KANSL2: variants seen among roughly 807,000 people sequenced by gnomAD.
KANSL2 encodes KAT8 regulatory NSL complex subunit 2, also known as NSL complex protein NSL2.
In KANSL2, 34 loss-of-function variants were observed where a neutral mutation model predicts 55.6. The ratio of observed to expected loss-of-function variants is 0.61; its 90% confidence interval spans 0.46 to 0.81. The LOEUF is 0.81. KANSL2 is among the 40% of genes least tolerant of loss of function. KANSL2 has a pLI of 0.00. For missense variants in KANSL2, 502 were observed against 609.9 expected (o/e 0.82, Z 1.86); for synonymous variants, 209 against 214.3 (o/e 0.98, Z 0.22).
At chr12:48,678,012 T>A (rs1270867250) in intron 4 of KANSL2, among the ~76,000 whole-genome samples, 1 of 152,122 alleles carries the variant, frequency 6.6e-6, no homozygotes, top group Non-Finnish European at 1.5e-5. Context: ...ATCCGGAACA[T>A]GCCCAACCTC....
Position 48,667,771 on chromosome 12 carries a change from TG to T in KANSL2, c.894del (p.Ser299ValfsTer20). ...GAAQQAHTTR[S>X]SQRCLAFVDD... ...TCCACAAAGGCCAAGCACCTCTGAC[TG>T]GAACGAGTGGTATGGGCCTGAAATG... On this transcript the variant is annotated frameshift_variant, in exon 7 of 10. Transcript: ENST00000420613. LOFTEE classifies it high-confidence loss of function. The T allele has an allele frequency of 1.9e-6, 3 of 1,613,622 alleles. No homozygotes were observed. The highest frequency in any genetic ancestry group is 2.5e-6 in the Non-Finnish European group (3 of 1,179,584).
chr12:48,654,268 A>G lies in KANSL2; in HGVS notation c.1348-93T>C, dbSNP rs1245393986. 1.1e-5 allele frequency: 13 copies of G among 1,215,250 alleles called. No homozygotes were observed. The East Asian group carries it at 2.3e-4, about 22-fold the overall frequency. 75.3% of individuals were successfully genotyped at this position (1,215,250 alleles called of 1,614,324 possible). On this transcript the variant is annotated intron_variant, in intron 9 of 9. Coordinates refer to ENST00000420613, the MANE Select transcript of KANSL2 (RefSeq NM_017822.4). ...TTATCAGTGGCCACTTAAACTAGCA[A>G]TAAGAACAATACAACAGAAATTAAT...
At chr12:48,664,577 C>A (rs866692660) in intron 7 of KANSL2, among the ~76,000 whole-genome samples, 4 of 62,074 alleles carry the variant, frequency 6.4e-5, no homozygotes, top group South Asian at 7.2e-4. Context: ...CGCACCTGGC[C>A]TTTTTTTTTT....
Position 48,679,724 on chromosome 12 carries a change from A to T in KANSL2, c.361T>A (p.Ser121Thr). ...GACCCCAGCTCTGTCTTAGCATATG[A>T]GCTCAGCTGGCACAGGAGTGTTTCA... ...VGETLLCQLS[S>T]YAKTELGSQT... The change falls in exon 3 of 10, where the codon TCA becomes ACA. Residue 121 changes from serine (S) to threonine (T), a missense_variant. By Grantham distance (58) the Ser-to-Thr change is moderately conservative. Transcript: ENST00000420613. 1 of 1,612,690 alleles carries T rather than the reference A, an allele frequency of 6.2e-7. No homozygotes were observed. Among genetic ancestry groups the T allele is most frequent in the Middle Eastern group, 1.7e-4 (1 of 6,060 alleles).
chr12:48,666,359 C>T (rs1203251104), intron 7 of KANSL2, among the ~76,000 whole-genome samples: 1 of 151,520 alleles, frequency 6.6e-6, no homozygotes, highest in African/African-American at 2.4e-5. Flanking sequence ...TGAGACCAGC[C>T]TGGGCAACAT....
chr12:48,662,557 T>C (rs1354631165), intron 7 of KANSL2: 2 of 1,276,184 alleles, frequency 1.6e-6, no homozygotes, highest in Non-Finnish European at 2.0e-6. Flanking sequence ...ATGGTTAACC[T>C]ACAACTAGAG....
At chr12:48,662,569 C>T in intron 7 of KANSL2, 5 of 1,284,046 alleles carry the variant, frequency 3.9e-6, no homozygotes, top group Non-Finnish European at 5.1e-6. Flanking sequence ...CAACTAGAGT[C>T]TGGGTCCTTC....
intron 2 of KANSL2, among the ~76,000 whole-genome samples, chr12:48,680,520 C>T (rs7299276): frequency 0.59 from 89,229 of 151,928 alleles, 26,550 homozygotes; most frequent in East Asian, 0.77. Context: ...CTATAAGATA[C>T]GTAAAAAATT....
rs753804337 is a variant in KANSL2, at chr12:48,671,893, C to T, written c.615G>A (p.Ser205=). ...GTCGTTTAAACTGATCAATATACAA[C>T]GACTGCAAACGAATTAGCTTTTCAC... ...IMREKLIRLQ[S]LYIDQFKRLQ... Residue 205 remains serine (S), a synonymous_variant, in exon 5 of 10, where the codon TCG becomes TCA. Transcript: ENST00000420613. The T allele has an allele frequency of 2.4e-5, 39 of 1,610,988 alleles. No individual in the cohort carries two copies. Among genetic ancestry groups the T allele is most frequent in the Middle Eastern group, 1.6e-4 (1 of 6,074 alleles).
chr12:48,661,578 C>T (rs1939488227), intron 7 of KANSL2, among the ~76,000 whole-genome samples: 1 of 152,036 alleles, frequency 6.6e-6, no homozygotes, highest in Non-Finnish European at 1.5e-5. Flanking sequence ...CTGATAGTAC[C>T]TGAATTATGG....
rs1298075796 is a variant in KANSL2 at position 48,653,474 on chromosome 12, A to G, written c.*570T>C. The G allele has an allele frequency of 1.3e-5, 2 of 152,678 alleles. No homozygotes were observed. The highest frequency in any genetic ancestry group is 4.8e-5 in the African/African-American group (2 of 41,464). The allele number at this position is 152,678 out of a possible 1,614,324, so 9.5% of individuals were successfully genotyped here. A position where few individuals can be genotyped will look rare whatever the true frequency, so the allele number is the denominator to read the frequency against. ...ACATTTAATAGAAACTATATACAAT[A>G]AATTTTTACTATATTTTACATAAGA... On this transcript the variant is annotated 3_prime_UTR_variant, in exon 10 of 10. Transcript: ENST00000420613.
At position 48,660,382 on chromosome 12, in the gene KANSL2, G is replaced by A; in HGVS notation, c.1211C>T (p.Pro404Leu). ...AAELQPTESL[P>L]LEFSDDLDVV... Reference sequence around the variant, plus strand: ...CTAACTTACATCACTGAACTCCAGAGGTAAACTCTCAGTGGGCTGAAGCTC... The same window carrying A: ...CTAACTTACATCACTGAACTCCAGAAGTAAACTCTCAGTGGGCTGAAGCTC... The change falls in exon 8 of 10, where the codon CCT becomes CTT. Residue 404 changes from proline to leucine, a missense_variant. By Grantham distance (98) the Pro-to-Leu change is moderately conservative. Transcript: ENST00000420613. 1 of 1,613,818 alleles carries A rather than the reference G, an allele frequency of 6.2e-7. No individual in the cohort carries two copies. The highest frequency in any genetic ancestry group is 8.5e-7 in the Non-Finnish European group (1 of 1,179,774).
At position 48,654,057 on chromosome 12, in the gene KANSL2, G is replaced by A; in HGVS notation, c.1466C>T (p.Thr489Ile). Reference protein sequence around the residue: ...LATANGKPEPTSIS With the variant: ...LATANGKPEPISIS ...TTCCCCAAACTATCAACTAATAGAA[G>A]TGGGTTCTGGCTTCCCATTTGCAGT... Residue 489 changes from threonine (T) to isoleucine (I), a missense_variant, in exon 10 of 10, where the codon ACT becomes ATT. Physicochemically the swap from Thr to Ile is moderately conservative, Grantham distance 89. Coordinates refer to ENST00000420613, the MANE Select transcript of KANSL2 (RefSeq NM_017822.4). The A allele has an allele frequency of 6.3e-7, 1 of 1,589,634 alleles. No individual in the cohort carries two copies.
At chr12:48,667,604 A>T in intron 7 of KANSL2, 89 bp downstream of exon 7, 1 of 1,070,020 alleles carries the variant, frequency 9.3e-7, no homozygotes, top group Non-Finnish European at 1.5e-6. Context: ...AGGAAAACAA[A>T]ATCCTTCAAT....
At chr12:48,670,240 T>C (rs1939685956) in intron 5 of KANSL2, among the ~76,000 whole-genome samples, 3 of 150,342 alleles carry the variant, frequency 2.0e-5, no homozygotes, top group African/African-American at 7.3e-5. Context: ...TTATGCACAG[T>C]ACCTAATACT....
Position 48,679,768 on chromosome 12 carries a change from GTCT to G in KANSL2, c.314_316del (p.Lys105del). 8 of 1,609,576 alleles carry G rather than the reference GTCT, an allele frequency of 5.0e-6. No homozygotes were observed. The highest frequency in any genetic ancestry group is 1.1e-5 in the South Asian group (1 of 90,012). On this transcript the variant is annotated inframe_deletion, in exon 3 of 10. Coordinates refer to ENST00000420613, the MANE Select transcript of KANSL2 (RefSeq NM_017822.4). ...TGTTTCACCCACAGGCCCTGGGTTG[GTCT>G]TCTTCATTTGAGCATGAAGTGCCAG...
chr12:48,662,504 C>A, intron 7 of KANSL2: 1 of 1,191,798 alleles, frequency 8.4e-7, no homozygotes, highest in Non-Finnish European at 1.1e-6. Flanking sequence ...CATCCTCCAC[C>A]CGCTTTCCTT....
At position 48,660,415 on chromosome 12, in the gene KANSL2, C is replaced by A. The variant is rs1310728624; in HGVS notation, c.1178G>T (p.Ser393Ile). ...CTCAGTGGGCTGAAGCTCAGCAGCACTCAAGTACAGATCCATGGGGCCGGC... is the reference window on the plus strand; with the variant it reads ...CTCAGTGGGCTGAAGCTCAGCAGCAATCAAGTACAGATCCATGGGGCCGGC... The part of the protein sequence containing the change: ...LEAGPMDLYL[S>I]AAELQPTESL... Residue 393 changes from serine (S) to isoleucine (I), a missense_variant, in exon 8 of 10, where the codon AGT becomes ATT. Coordinates refer to ENST00000420613, the MANE Select transcript of KANSL2 (RefSeq NM_017822.4). 5 of 1,613,860 alleles carry A rather than the reference C, an allele frequency of 3.1e-6. No individual in the cohort carries two copies.
chr12:48,674,055 T>A (rs912495575), intron 4 of KANSL2, among the ~76,000 whole-genome samples: 1 of 152,196 alleles, frequency 6.6e-6, no homozygotes, highest in African/African-American at 2.4e-5. Flanking sequence ...ACAAGCTATA[T>A]ACCTTAAGTT....
Sources: gnomAD v4.1 joint callset for allele counts (sites outside exome capture counted in the v4.1 genomes callset) on GRCh38, gnomAD v4.1.1 for gene constraint, MANE v1.5 for transcripts, NCBI Gene and HGNC (gene_info 2026-07-23, HGNC 2026-07-21) for gene names.